Variants in RARB observed in about 807,000 individuals in gnomAD.
RARB encodes HBV-activated protein.
In RARB, 17 loss-of-function variants were observed where a neutral mutation model predicts 51.9. The ratio of observed to expected loss-of-function variants is 0.33; its 90% CI spans 0.22 to 0.49. RARB has a LOEUF of 0.49. Among genes scored for constraint, RARB ranks in the 20% least tolerant of loss-of-function variants. The pLI is 0.99. For synonymous variants in RARB, 215 were observed against 195.4 expected (o/e 1.10, Z -0.84); for missense variants, 369 against 550.8 (o/e 0.67, Z 3.30).
intron 5 of RARB, among the ~76,000 whole-genome samples, chr3:25,264,166 A>T (rs1703072582): frequency 6.6e-6 from 1 of 152,140 alleles, no homozygotes; most frequent in Non-Finnish European, 1.5e-5. Flanking sequence ...CTTTGTTTAG[A>T]AAGCCAATGA....
chr3:25,209,267 C>T (rs1402212957), intron 5 of RARB, among the ~76,000 whole-genome samples: 1 of 152,238 alleles, frequency 6.6e-6, no homozygotes. Context: ...AAGTTACTCA[C>T]TCCTCCTCTT....
intron 5 of RARB, among the ~76,000 whole-genome samples, chr3:25,236,196 C>T (rs1323065160): frequency 6.6e-6 from 1 of 152,070 alleles, no homozygotes; most frequent in Non-Finnish European, 1.5e-5. Flanking sequence ...TGTATTCATT[C>T]AACAAATATT....
chr3:25,155,643 A>G (rs1172127311), intron 4 of RARB, among the ~76,000 whole-genome samples: 1 of 152,236 alleles, frequency 6.6e-6, no homozygotes, highest in Non-Finnish European at 1.5e-5. Flanking sequence ...GCTGGGACCC[A>G]CACACTTTTT....
At chr3:25,181,597 C>T (rs1432100225) in intron 5 of RARB, among the ~76,000 whole-genome samples, 3 of 152,174 alleles carry the variant, frequency 2.0e-5, no homozygotes, top group Admixed American at 2.0e-4. Flanking sequence ...CTCATGTTCT[C>T]ATGACTTTCC....
intron 5 of RARB, among the ~76,000 whole-genome samples, chr3:25,355,074 A>G (rs1377283646): frequency 6.6e-6 from 1 of 152,080 alleles, no homozygotes; most frequent in African/African-American, 2.4e-5. Flanking sequence ...TAAAGATACT[A>G]TTACTGCTTA....
chr3:24,921,565 G>A lies in RARB; in HGVS notation c.-380+62813G>A, dbSNP rs548023968. On this transcript the variant is annotated intron_variant, in intron 2 of 11. Transcript: ENST00000383772. ...TGTTTACCAGTGAGCTTCCTGCCTC[G>A]CTCTTCAGATCAACCTTTCTTCTTT... is the stretch of plus-strand genomic sequence containing the variant. Among the ~76,000 whole-genome samples the A allele has an allele frequency of 6.6e-5, 10 of 152,102 alleles. 1 individual carries two copies. In the South Asian group the frequency reaches 1.9e-3, roughly 28 times the overall value.
chr3:25,161,350 G>A (rs1435167380), intron 4 of RARB, among the ~76,000 whole-genome samples: 3 of 152,052 alleles, frequency 2.0e-5, no homozygotes, highest in Middle Eastern at 3.4e-3. Flanking sequence ...CCTGGCTGAT[G>A]TCAAGATTCT....
At chr3:25,044,223 C>T (rs943769099) in intron 2 of RARB, among the ~76,000 whole-genome samples, 1 of 152,150 alleles carries the variant, frequency 6.6e-6, no homozygotes, top group African/African-American at 2.4e-5. Flanking sequence ...CCTTCAAGGA[C>T]TAATGACAGC....
At chr3:25,553,691 T>C (rs377559092) in intron 3 of RARB, among the ~76,000 whole-genome samples, 1 of 152,188 alleles carries the variant, frequency 6.6e-6, no homozygotes, top group Non-Finnish European at 1.5e-5. Context: ...TGAACACATT[T>C]GTATGGATTG....
chr3:25,173,047 G>A (rs1349181498), intron 4 of RARB, among the ~76,000 whole-genome samples: 1 of 152,054 alleles, frequency 6.6e-6, no homozygotes. Context: ...CTTTTTTTGT[G>A]CCACATGAAT....
rs563557315 is a variant in RARB, at chr3:25,477,378, A to G, written c.306+16037A>G. Among the ~76,000 whole-genome samples, 14 of 152,338 alleles carry G rather than the reference A, an allele frequency of 9.2e-5. No homozygotes were observed. The South Asian group carries it at 2.9e-3, about 32-fold the overall frequency. Reference sequence around the variant, plus strand: ...TGAGATGGCTTTTTGGTGTCTGCCAAGGGTGACTGTTTCCTTTACACAATG... The same window carrying G: ...TGAGATGGCTTTTTGGTGTCTGCCAGGGGTGACTGTTTCCTTTACACAATG... On this transcript the variant is annotated intron_variant, in intron 2 of 7. Coordinates refer to ENST00000330688, the MANE Select transcript of RARB (RefSeq NM_000965.5).
chr3:24,991,426 A>G (rs935077142), intron 2 of RARB, among the ~76,000 whole-genome samples: 6 of 151,870 alleles, frequency 4.0e-5, no homozygotes, highest in African/African-American at 7.2e-5. Context: ...CTGGGCAACA[A>G]GAGCAAAACT....
At chr3:25,006,077 T>C (rs765318166) in intron 2 of RARB, among the ~76,000 whole-genome samples, 1 of 152,100 alleles carries the variant, frequency 6.6e-6, no homozygotes, top group Non-Finnish European at 1.5e-5. Context: ...GCCAAAGGGT[T>C]CACTCTTCAT....
chr3:25,176,372 T>C (rs1559493226), intron 5 of RARB, among the ~76,000 whole-genome samples: 2 of 131,962 alleles, frequency 1.5e-5, no homozygotes, highest in African/African-American at 5.5e-5. Context: ...CTTCCTTCCT[T>C]CCTTCCTTCC....
intron 1 of RARB, among the ~76,000 whole-genome samples, chr3:24,843,900 TACACACACACACACACACAC>T (rs71057685): frequency 6.9e-6 from 1 of 145,144 alleles, no homozygotes; most frequent in East Asian, 2.0e-4. Flanking sequence ...GATTTGAGGG[TACACACACACACACACACAC>T]ACACACACAC....
intron 5 of RARB, among the ~76,000 whole-genome samples, chr3:25,216,090 T>C (rs1251958052): frequency 1.3e-5 from 2 of 152,162 alleles, no homozygotes; most frequent in African/African-American, 2.4e-5. Flanking sequence ...TATGTACTTA[T>C]TGTTAAAATA....
At chr3:25,449,561 G>T (rs1709099325) in intron 1 of RARB, among the ~76,000 whole-genome samples, 1 of 152,112 alleles carries the variant, frequency 6.6e-6, no homozygotes, top group African/African-American at 2.4e-5. Context: ...CCTAAGAGGG[G>T]ATGTCATAGT....
chr3:25,174,517 C>G, exon 5 of RARB: 1 of 1,352,136 alleles, frequency 7.4e-7, no homozygotes, highest in Non-Finnish European at 9.8e-7. Context: ...CCCTGCCTCC[C>G]CTCCATGGCC....
chr3:25,307,801 T>C (rs1704189283), intron 5 of RARB, among the ~76,000 whole-genome samples: 1 of 152,308 alleles, frequency 6.6e-6, no homozygotes, highest in East Asian at 1.9e-4. Context: ...GTGTCTATAG[T>C]AGGGGGTTGC....
Sources: gnomAD v4.1 joint callset for allele counts (sites outside exome capture counted in the v4.1 genomes callset) on GRCh38, gnomAD v4.1.1 for gene constraint, MANE v1.5 for transcripts, NCBI Gene and HGNC (gene_info 2026-07-23, HGNC 2026-07-21) for gene names.